Variants in ZNF746 observed in about 807,000 individuals in gnomAD.
The protein encoded by ZNF746 is parkin-interacting substrate.
In ZNF746, 13 loss-of-function variants were observed where a neutral mutation model predicts 41.0. The observed-to-expected ratio is 0.32, with a 90% confidence interval of 0.21 to 0.50. The LOEUF is 0.50. Ranked by LOEUF, ZNF746 falls within the 20% of genes least tolerant of loss-of-function variation. The pLI, the probability that ZNF746 is intolerant of heterozygous loss-of-function variation, is 0.98. For missense variants in ZNF746, 811 were observed against 922.9 expected, an observed-to-expected ratio of 0.88 and a Z score of 1.57; for synonymous variants, 424 against 396.2, an observed-to-expected ratio of 1.07 and a Z score of -0.83.
chr7:149,483,753 G>C (rs1330964494), intron 4 of ZNF746, among the ~76,000 whole-genome samples: 1 of 151,988 alleles, frequency 6.6e-6, no homozygotes, highest in Admixed American at 6.6e-5. Context: ...TAATAAAAGA[G>C]AAGACAAAGA....
intron 4 of ZNF746, among the ~76,000 whole-genome samples, chr7:149,485,699 C>T (rs139672526): frequency 7.5e-4 from 113 of 151,576 alleles, no homozygotes; most frequent in African/African-American, 2.6e-3. Flanking sequence ...GAGAAGATAA[C>T]GGCAACACAC....
At position 149,497,582 on chromosome 7, in the gene ZNF746, C is replaced by T; in HGVS notation, c.-46G>A. On this transcript the variant is annotated 5_prime_UTR_variant, in exon 1 of 7. Transcript: ENST00000458143. The surrounding 1 kb of genome is among the most constrained non-coding windows in gnomAD (Gnocchi z 4.2). ...GGCCCGGAGGAAGTCGTCGTCGCCG[C>T]CGCCGCGCGCGGCACCACGCAGGCC... The T allele has an allele frequency of 2.9e-6, 3 of 1,041,972 alleles. No individual in the cohort carries two copies. Among genetic ancestry groups the T allele is most frequent in the Non-Finnish European group, 2.3e-6 (2 of 870,104 alleles). 64.5% of individuals were successfully genotyped at this position (1,041,972 alleles called of 1,614,324 possible). A position where few individuals can be genotyped will look rare whatever the true frequency, so the allele number is the denominator to read the frequency against.
In ZNF746 at chr7:149,494,412, G is replaced by A; in HGVS notation, c.116C>T (p.Thr39Ile). The change falls in exon 2 of 7, where the codon ACC (threonine) becomes ATC (isoleucine). Residue 39 changes from threonine to isoleucine, a missense_variant. By Grantham distance (89) the Thr-to-Ile change is moderately conservative. Transcript: ENST00000458143. This position sits in a 1 kb window ranked among gnomAD's most constrained non-coding sequence, Gnocchi z 5.6. ...AARLLSLEGR[T>I]GMAEKKLADC... ...AGCCAGCTTCTTCTCGGCCATCCCG[G>A]TTCGACCTTCTAGGGAAAGCAGGCG... 6.2e-7 allele frequency: 1 copy of A among 1,613,988 alleles called. No homozygotes were observed. The highest frequency in any genetic ancestry group is 8.5e-7 in the Non-Finnish European group (1 of 1,179,878).
chr7:149,481,386 T>TA (rs1469478600), intron 4 of ZNF746, among the ~76,000 whole-genome samples: 1 of 152,218 alleles, frequency 6.6e-6, no homozygotes, highest in East Asian at 1.9e-4. Context: ...AGATTACTTA[T>TA]AATACCTAAT....
At chr7:149,495,573 G>A (rs1325770309) in intron 1 of ZNF746, among the ~76,000 whole-genome samples, 8 of 152,134 alleles carry the variant, frequency 5.3e-5, no homozygotes, top group Non-Finnish European at 1.0e-4. Context: ...TCCTGGTATC[G>A]GGACCTGAGG....
intron 5 of ZNF746, among the ~76,000 whole-genome samples, chr7:149,477,295 C>T (rs1208114512): frequency 1.3e-5 from 2 of 152,184 alleles, no homozygotes; most frequent in African/African-American, 4.8e-5. Flanking sequence ...GACTTCAATG[C>T]CCAATGCTGG....
At position 149,474,067 on chromosome 7, in the gene ZNF746, A is replaced by T; in HGVS notation, c.*317T>A. ...CCTGAAAACCAAAAGTACCTACAAA[A>T]TTTAAATAGCCCTATTACTATTTTC... On this transcript the variant is annotated 3_prime_UTR_variant, in exon 7 of 7. Coordinates refer to ENST00000458143, the MANE Select transcript of ZNF746 (RefSeq NM_001394198.1). This position sits in a 1 kb window ranked among gnomAD's most constrained non-coding sequence, Gnocchi z 6.3. The T allele has an allele frequency of 2.7e-6, 1 of 375,424 alleles. No individual in the cohort carries two copies. Among genetic ancestry groups the T allele is most frequent in the Non-Finnish European group, 4.9e-6 (1 of 202,164 alleles). The allele number at this position is 375,424 out of a possible 1,614,324, so 23.3% of individuals were successfully genotyped here. A position where few individuals can be genotyped will look rare whatever the true frequency, so the allele number is the denominator to read the frequency against.
chr7:149,494,036 A>G lies in ZNF746; in HGVS notation c.404T>C (p.Leu135Pro). 6.2e-7 allele frequency: 1 copy of G among 1,614,076 alleles called. No individual in the cohort carries two copies. The highest frequency in any genetic ancestry group is 2.2e-5 in the East Asian group (1 of 44,868). ...WGKLEDWQKELYKHVMRGNYE... is the reference protein window; with the variant it reads ...WGKLEDWQKEPYKHVMRGNYE... ...GTTGCCCCTCATCACGTGCTTGTAG[A>G]GCTCCTTCTGCCAGTCCTCCAGCTT... is the stretch of plus-strand genomic sequence containing the variant. The change falls in exon 3 of 7, where the codon CTC becomes CCC. Residue 135 changes from leucine (L) to proline (P), a missense_variant. Leu to Pro is a moderately conservative substitution (Grantham distance 98, BLOSUM62 -3). Transcript: ENST00000458143. This position sits in a 1 kb window ranked among gnomAD's most constrained non-coding sequence, Gnocchi z 5.6.
Position 149,477,475 on chromosome 7 carries a change from C to T in ZNF746, c.757+89G>A, listed in dbSNP as rs1186930866. 8.4e-6 allele frequency: 12 copies of T among 1,431,546 alleles called. No individual in the cohort carries two copies. The Middle Eastern group carries it at 5.5e-4, about 66-fold the overall frequency. 88.7% of individuals were successfully genotyped at this position (1,431,546 alleles called of 1,614,324 possible). On this transcript the variant is annotated intron_variant, in intron 5 of 6. Coordinates refer to ENST00000458143, the MANE Select transcript of ZNF746 (RefSeq NM_001394198.1). ...TGTCAGGCCGGAAGTGTTGAGGGCCCACAGCTCCCCCATGCTGCCACGAGC... is the reference window on the plus strand; with the variant it reads ...TGTCAGGCCGGAAGTGTTGAGGGCCTACAGCTCCCCCATGCTGCCACGAGC...
intron 4 of ZNF746, among the ~76,000 whole-genome samples, chr7:149,483,591 G>A (rs561152545): frequency 6.6e-6 from 1 of 151,872 alleles, no homozygotes; most frequent in East Asian, 1.9e-4. Context: ...TGGCGACAGA[G>A]CGAGACTCCG....
At chr7:149,491,126 G>A (rs952772343) in intron 4 of ZNF746, 1 of 152,894 alleles carries the variant, frequency 6.5e-6, no homozygotes, top group African/African-American at 2.4e-5. Flanking sequence ...TGTGGCAAGG[G>A]ATGAGCTGGG....
intron 4 of ZNF746, among the ~76,000 whole-genome samples, chr7:149,484,467 A>T (rs1193186793): frequency 6.6e-6 from 1 of 152,214 alleles, no homozygotes; most frequent in Admixed American, 6.5e-5. Flanking sequence ...ATTATATAAA[A>T]TTCAAGTCAT....
rs1448406016 is a variant in ZNF746 at position 149,474,838 on chromosome 7, C to A, written c.1529G>T (p.Gly510Val). 2 of 1,411,384 alleles carry A rather than the reference C, an allele frequency of 1.4e-6. No homozygotes were observed. Among genetic ancestry groups the A allele is most frequent in the South Asian group, 3.0e-5 (2 of 67,240 alleles). The allele number at this position is 1,411,384 out of a possible 1,614,324, so 87.4% of individuals were successfully genotyped here. ...GCCCCCACCGCTGCCGCCACCGCCGCCGCCACTGCCGCTGCCGCCACCGCC... is the reference window on the plus strand; with the variant it reads ...GCCCCCACCGCTGCCGCCACCGCCGACGCCACTGCCGCTGCCGCCACCGCC... Reference protein sequence around the residue: ...GTGGGGSGSGGGGGGSGGGSA... With the variant: ...GTGGGGSGSGVGGGGSGGGSA... The change falls in exon 7 of 7, where the codon GGC becomes GTC. Residue 510 changes from glycine to valine, a missense_variant. Physicochemically the swap from Gly to Val is moderately radical, Grantham distance 109. This residue lies in a region of ZNF746 where 495 missense variants were observed against 481.6 expected (regional missense o/e 1.03). Coordinates refer to ENST00000458143, the MANE Select transcript of ZNF746 (RefSeq NM_001394198.1). This position sits in a 1 kb window ranked among gnomAD's most constrained non-coding sequence, Gnocchi z 6.3.
At chr7:149,491,710 G>A in intron 4 of ZNF746, 1 of 592,812 alleles carries the variant, frequency 1.7e-6, no homozygotes. Flanking sequence ...GCGCACAGGA[G>A]GGCCTCTGCG....
chr7:149,490,823 A>C (rs1336371085), intron 4 of ZNF746: 1 of 152,906 alleles, frequency 6.5e-6, no homozygotes, highest in Non-Finnish European at 1.5e-5. Context: ...AAGTAGCAAA[A>C]AGACAAGGCC....
In ZNF746 at chr7:149,474,748, T is replaced by C; in HGVS notation, c.1619A>G (p.His540Arg). The C allele has an allele frequency of 6.2e-7, 1 of 1,602,328 alleles. No homozygotes were observed. ...ECGRCFTRPA[H>R]LIRHRMLHTG... ...GTGCAGCATGCGATGGCGGATGAGGTGCGCGGGGCGCGTGAAGCAACGGCC... is the reference window on the plus strand; with the variant it reads ...GTGCAGCATGCGATGGCGGATGAGGCGCGCGGGGCGCGTGAAGCAACGGCC... The change falls in exon 7 of 7, where the codon CAC becomes CGC. Residue 540 changes from histidine (H) to arginine (R), a missense_variant. Transcript: ENST00000458143. The surrounding 1 kb of genome is among the most constrained non-coding windows in gnomAD (Gnocchi z 6.3).
intron 4 of ZNF746, chr7:149,490,001 G>A (rs1339284153): frequency 2.0e-5 from 3 of 152,384 alleles, no homozygotes; most frequent in African/African-American, 7.2e-5. Context: ...GTGGCTGCCG[G>A]GGTAGAGGTC....
chr7:149,488,180 T>C (rs904975813), intron 4 of ZNF746: 2 of 152,110 alleles, frequency 1.3e-5, no homozygotes, highest in Non-Finnish European at 2.9e-5. Context: ...TGTTGGAAAA[T>C]GAGACCATCG....
chr7:149,490,788 T>A lies in ZNF746; in HGVS notation c.565+2071A>T, dbSNP rs528587784. 2.6e-5 allele frequency: 4 copies of A among 152,682 alleles called. No individual in the cohort carries two copies. The East Asian group carries it at 7.7e-4, about 29-fold the overall frequency. 9.5% of individuals were successfully genotyped at this position (152,682 alleles called of 1,614,324 possible). A position where few individuals can be genotyped will look rare whatever the true frequency, so the allele number is the denominator to read the frequency against. On this transcript the variant is annotated intron_variant, in intron 4 of 6. Coordinates refer to ENST00000458143, the MANE Select transcript of ZNF746 (RefSeq NM_001394198.1). ...GCCAAGACTGAGGGCAGGAAGAGTG[T>A]TGAGAAGAGAGGGAAGGTCTGCAGA...
Sources: allele counts gnomAD v4.1 joint callset (sites outside exome capture counted in the v4.1 genomes callset), GRCh38; gene constraint gnomAD v4.1.1; regional missense constraint gnomAD v4.1.1; non-coding constraint Gnocchi (gnomAD v3.1); transcripts MANE v1.5; gene names NCBI Gene and HGNC (gene_info 2026-07-23, HGNC 2026-07-21).